CDH11: variants seen among roughly 807,000 people sequenced by gnomAD.
The protein encoded by CDH11 is cadherin-11.
CDH11 carries 11 observed loss-of-function variants against 67.8 expected under a neutral mutation model. That is an observed-to-expected ratio of 0.16 (90% CI 0.10 to 0.27). The LOEUF is 0.27. Among genes scored for constraint, CDH11 ranks in the 10% least tolerant of loss-of-function variants. The pLI, the probability that CDH11 is intolerant of heterozygous loss-of-function variation, is 1.00. For missense variants in CDH11, 847 were observed against 1,031.2 expected (o/e 0.82, Z 2.45); for synonymous variants, 419 against 400.0 (o/e 1.05, Z -0.57).
At chr16:64,994,242 C>G (rs2072710307) in intron 4 of CDH11, among the ~76,000 whole-genome samples, 1 of 152,146 alleles carries the variant, frequency 6.6e-6, no homozygotes, top group African/African-American at 2.4e-5. Context: ...ATTTGTCAGT[C>G]ACTATTCTAG....
At chr16:64,978,295 C>T (rs2072235002) in intron 8 of CDH11, among the ~76,000 whole-genome samples, 1 of 152,096 alleles carries the variant, frequency 6.6e-6, no homozygotes, top group South Asian at 2.1e-4. Flanking sequence ...GTGGAAGGCG[C>T]AGTGATGATC....
At position 64,950,965 on chromosome 16, in the gene CDH11, C is replaced by A; in HGVS notation, c.1696G>T (p.Asp566Tyr). The A allele has an allele frequency of 9.9e-6, 16 of 1,614,110 alleles. No individual in the cohort carries two copies. The highest frequency in any genetic ancestry group is 1.4e-5 in the Non-Finnish European group (16 of 1,179,974). ...RRGGFSRQKQ[D>Y]LYLLPIVISD... Reference sequence around the variant, plus strand: ...ATCACTATGGGCAGAAGGTACAAGTCCTGCTTCTGCCGACTGAACCCTCCA... The same window carrying A: ...ATCACTATGGGCAGAAGGTACAAGTACTGCTTCTGCCGACTGAACCCTCCA... Residue 566 changes from aspartate (D) to tyrosine (Y), a missense_variant, in exon 12 of 13, where the codon GAC becomes TAC. By Grantham distance (160) the Asp-to-Tyr change is radical (BLOSUM62 -3). Coordinates refer to ENST00000268603, the MANE Select transcript of CDH11 (RefSeq NM_001797.4).
intron 1 of CDH11, among the ~76,000 whole-genome samples, chr16:65,056,368 T>C (rs2074143051): frequency 6.6e-6 from 1 of 152,126 alleles, no homozygotes; most frequent in African/African-American, 2.4e-5. Context: ...CATAAAAATA[T>C]TCATGTAACT....
intron 11 of CDH11, among the ~76,000 whole-genome samples, chr16:64,952,313 C>G (rs759794397): frequency 1.8e-4 from 28 of 152,278 alleles, no homozygotes; most frequent in African/African-American, 3.8e-4. Context: ...GTTGACATAA[C>G]CACTTTGACC....
At chr16:65,068,649 T>G (rs2074362457) in intron 1 of CDH11, among the ~76,000 whole-genome samples, 1 of 152,194 alleles carries the variant, frequency 6.6e-6, no homozygotes, top group South Asian at 2.1e-4. Flanking sequence ...GAACTAATCC[T>G]AACAGGTTTG....
intron 1 of CDH11, among the ~76,000 whole-genome samples, chr16:65,054,616 C>G (rs1279015972): frequency 6.6e-6 from 1 of 152,192 alleles, no homozygotes; most frequent in Non-Finnish European, 1.5e-5. Context: ...CCCAGAGCAT[C>G]TGTTCAATGC....
intron 2 of CDH11, among the ~76,000 whole-genome samples, chr16:65,049,890 C>T (rs1406270602): frequency 6.6e-6 from 1 of 152,074 alleles, no homozygotes; most frequent in South Asian, 2.1e-4. Context: ...ACAGACAGAC[C>T]CAGCAGCACA....
intron 8 of CDH11, chr16:64,981,811 C>G (rs2072357511): frequency 1.3e-5 from 5 of 378,998 alleles, no homozygotes; most frequent in Admixed American, 1.3e-4. Flanking sequence ...CCTAGTATGC[C>G]TGGGGGAATC....
chr16:65,010,976 T>C (rs2073166637), intron 2 of CDH11, among the ~76,000 whole-genome samples: 2 of 123,948 alleles, frequency 1.6e-5, no homozygotes, highest in Admixed American at 7.8e-5. Flanking sequence ...TGTGTTTATA[T>C]ATATATATAT....
intron 1 of CDH11, among the ~76,000 whole-genome samples, chr16:65,085,766 T>G (rs1409803626): frequency 6.6e-6 from 1 of 152,236 alleles, no homozygotes; most frequent in Non-Finnish European, 1.5e-5. Flanking sequence ...ACGTGCCTTA[T>G]AACATTCTTT....
chr16:65,052,173 T>G (rs1228027562), intron 2 of CDH11, among the ~76,000 whole-genome samples: 1 of 152,106 alleles, frequency 6.6e-6, no homozygotes, highest in Non-Finnish European at 1.5e-5. Context: ...CCCTATTCAT[T>G]TGCTTAGTAA....
At chr16:64,985,748 C>T (rs1273660355) in intron 7 of CDH11, 7 of 147,408 alleles carry the variant, frequency 4.7e-5, no homozygotes, top group Non-Finnish European at 1.0e-4. Flanking sequence ...TGCTTAATGA[C>T]CTTTAGTGAG....
At chr16:65,058,139 T>C (rs2074177462) in intron 1 of CDH11, among the ~76,000 whole-genome samples, 1 of 152,062 alleles carries the variant, frequency 6.6e-6, no homozygotes, top group Non-Finnish European at 1.5e-5. Flanking sequence ...TGAGGATCGT[T>C]TGAGCCTGGG....
upstream of CDH11, chr16:65,122,219 C>A (rs924512964): frequency 1.6e-5 from 8 of 514,066 alleles, no homozygotes; most frequent in Middle Eastern, 5.4e-4. Flanking sequence ...CGAGAGGCAG[C>A]GAGATGGGCC....
intron 1 of CDH11, among the ~76,000 whole-genome samples, chr16:65,101,657 AGAT>A (rs2142858841): frequency 1.3e-5 from 2 of 152,292 alleles, no homozygotes; most frequent in South Asian, 4.2e-4. Flanking sequence ...TCCTCAGCCA[AGAT>A]GATGACTATC....
intron 1 of CDH11, among the ~76,000 whole-genome samples, chr16:65,108,812 T>C (rs933952499): frequency 6.6e-6 from 1 of 152,196 alleles, no homozygotes; most frequent in African/African-American, 2.4e-5. Context: ...GGTAGTGATC[T>C]GGATTTGCGT....
chr16:65,049,568 T>C (rs1328873096), intron 2 of CDH11, among the ~76,000 whole-genome samples: 1 of 152,176 alleles, frequency 6.6e-6, no homozygotes. Flanking sequence ...AAAATATCAA[T>C]GTCATTGACC....
At chr16:65,021,215 A>G (rs1345416490) in intron 2 of CDH11, among the ~76,000 whole-genome samples, 3 of 152,192 alleles carry the variant, frequency 2.0e-5, no homozygotes, top group Non-Finnish European at 4.4e-5. Flanking sequence ...TCATAATCCA[A>G]AGTAATTTCT....
intron 11 of CDH11, among the ~76,000 whole-genome samples, chr16:64,959,246 A>C (rs1339154774): frequency 6.6e-6 from 1 of 152,218 alleles, no homozygotes; most frequent in Non-Finnish European, 1.5e-5. Flanking sequence ...TGTGTATGAG[A>C]TATCGAAGTA....
Sources: gnomAD v4.1 joint callset for allele counts (sites outside exome capture counted in the v4.1 genomes callset) on GRCh38, gnomAD v4.1.1 for gene constraint, MANE v1.5 for transcripts, NCBI Gene and HGNC (gene_info 2026-07-23, HGNC 2026-07-21) for gene names.